The following TLL1 variants were observed in gnomAD, a reference collection of about 807,000 sequenced individuals.
TLL1 encodes tolloid-like protein 1.
TLL1 carries 49 observed loss-of-function variants against 128.2 expected under a neutral mutation model. The ratio of observed to expected loss-of-function variants is 0.38; its 90% CI spans 0.30 to 0.48. The LOEUF (loss-of-function observed/expected upper bound fraction) is 0.48, where lower values mean the gene tolerates loss of function less well. Among genes scored for constraint, TLL1 ranks in the 20% least tolerant of loss-of-function variants. The pLI, the probability that TLL1 is intolerant of heterozygous loss-of-function variation, is 0.96. For synonymous variants in TLL1, 454 were observed against 418.8 expected (o/e 1.08, Z -1.03); for missense variants, 1,123 against 1,242.0 (o/e 0.90, Z 1.44).
intron 1 of TLL1, among the ~76,000 whole-genome samples, chr4:165,975,272 C>T (rs1318896584): frequency 6.6e-6 from 1 of 152,042 alleles, no homozygotes; most frequent in Non-Finnish European, 1.5e-5. Flanking sequence ...GGCAGACCAT[C>T]AAAGCATCCT....
intron 9 of TLL1, chr4:166,030,554 G>T: frequency 1.8e-6 from 1 of 561,508 alleles, no homozygotes; most frequent in South Asian, 2.5e-5. Context: ...CTGTGCTTTT[G>T]GTGTCATAGC....
At chr4:166,057,663 T>C (rs1280696106) in intron 14 of TLL1, among the ~76,000 whole-genome samples, 3 of 152,094 alleles carry the variant, frequency 2.0e-5, no homozygotes, top group East Asian at 3.9e-4. Flanking sequence ...GGACTCACAG[T>C]TCCACATGGC....
chr4:166,067,203 G>A (rs539996053), intron 16 of TLL1, among the ~76,000 whole-genome samples: 2 of 151,568 alleles, frequency 1.3e-5, no homozygotes, highest in Non-Finnish European at 3.0e-5. Context: ...TAAAAAGAAA[G>A]TGTTCAGGAT....
intron 18 of TLL1, among the ~76,000 whole-genome samples, chr4:166,082,946 G>A (rs529165939): frequency 1.3e-5 from 2 of 152,118 alleles, no homozygotes; most frequent in South Asian, 4.2e-4. Context: ...CAAAATGCTG[G>A]GATTACAGGA....
At chr4:166,019,124 T>C (rs1235003441) in intron 8 of TLL1, among the ~76,000 whole-genome samples, 3 of 152,092 alleles carry the variant, frequency 2.0e-5, no homozygotes, top group Non-Finnish European at 4.4e-5. Context: ...TAGGCAGTCA[T>C]AAAAAATAAT....
At chr4:165,944,540 T>G (rs1734156418) in intron 1 of TLL1, among the ~76,000 whole-genome samples, 1 of 152,108 alleles carries the variant, frequency 6.6e-6, no homozygotes, top group Non-Finnish European at 1.5e-5. Flanking sequence ...TTTTAAAAAT[T>G]GGATTTCTTT....
chr4:166,052,212 A>C (rs1739774852), intron 12 of TLL1, among the ~76,000 whole-genome samples: 1 of 152,224 alleles, frequency 6.6e-6, no homozygotes, highest in Non-Finnish European at 1.5e-5. Flanking sequence ...TTCTTAAAAT[A>C]GTAATTAAAA....
In TLL1 at chr4:165,936,204, A is replaced by ATTT. The variant is rs1233905061; in HGVS notation, c.170-53176_170-53175insTTT. On this transcript the variant is annotated intron_variant, in intron 1 of 20. Coordinates refer to ENST00000061240, the MANE Select transcript of TLL1 (RefSeq NM_012464.5). ...TTCATTTTGCTTCATATATATATAT[A>ATTT]TATTTTTTTTTCTTTTTTCTTTTTT... Among the ~76,000 whole-genome samples, 92 of 132,336 alleles carry ATTT rather than the reference A, an allele frequency of 7.0e-4. No individual in the cohort carries two copies. In the East Asian group the frequency reaches 0.011, roughly 15 times the overall value. 86.8% of individuals were successfully genotyped at this position (132,336 alleles called of 152,430 possible). A position where few individuals can be genotyped will look rare whatever the true frequency, so the allele number is the denominator to read the frequency against.
At chr4:166,023,368 C>A (rs1368182611) in intron 8 of TLL1, among the ~76,000 whole-genome samples, 1 of 152,146 alleles carries the variant, frequency 6.6e-6, no homozygotes, top group East Asian at 1.9e-4. Flanking sequence ...CCACTGCACT[C>A]CAGCCTGGGT....
chr4:165,890,346 C>T (rs955968963), intron 1 of TLL1, among the ~76,000 whole-genome samples: 13 of 152,134 alleles, frequency 8.5e-5, no homozygotes, highest in African/African-American at 2.9e-4. Flanking sequence ...CTAATAGTCC[C>T]CCAAAGTCTT....
chr4:165,975,720 G>A (rs112218859), intron 1 of TLL1, among the ~76,000 whole-genome samples: 4 of 152,072 alleles, frequency 2.6e-5, no homozygotes, highest in African/African-American at 9.6e-5. Flanking sequence ...ATAGTCAATG[G>A]GAAACTATTA....
chr4:166,014,907 A>G (rs1237297862), intron 8 of TLL1, among the ~76,000 whole-genome samples: 1 of 152,048 alleles, frequency 6.6e-6, no homozygotes, highest in East Asian at 1.9e-4. Flanking sequence ...CTGACATAAA[A>G]AGAATATCCT....
chr4:166,042,844 C>T (rs1739295939), intron 11 of TLL1, among the ~76,000 whole-genome samples: 1 of 152,132 alleles, frequency 6.6e-6, no homozygotes, highest in Non-Finnish European at 1.5e-5. Flanking sequence ...ACGGACGCTG[C>T]GCACATGACA....
intron 3 of TLL1, among the ~76,000 whole-genome samples, chr4:165,993,538 C>A (rs1476488031): frequency 1.3e-5 from 2 of 152,082 alleles, no homozygotes; most frequent in Non-Finnish European, 2.9e-5. Context: ...TTTTCCCAAG[C>A]AAAAGTGCTT....
intron 1 of TLL1, among the ~76,000 whole-genome samples, chr4:165,972,355 G>T (rs558866452): frequency 6.6e-6 from 1 of 152,298 alleles, no homozygotes; most frequent in African/African-American, 2.4e-5. Context: ...CACCTTTGTG[G>T]AAGGACTTTA....
chr4:165,995,286 G>T, intron 5 of TLL1, 108 bp downstream of exon 5: 1 of 912,578 alleles, frequency 1.1e-6, no homozygotes, highest in Non-Finnish European at 1.8e-6. Context: ...TTGTATTTTG[G>T]CCATGAGAAA....
intron 19 of TLL1, among the ~76,000 whole-genome samples, chr4:166,098,635 A>G (rs986063691): frequency 6.6e-6 from 1 of 151,842 alleles, no homozygotes; most frequent in Non-Finnish European, 1.5e-5. Context: ...AATTAATGAT[A>G]TATGTAGGTT....
intron 16 of TLL1, among the ~76,000 whole-genome samples, chr4:166,073,818 T>A (rs2111135446): frequency 6.6e-6 from 1 of 152,280 alleles, no homozygotes; most frequent in Non-Finnish European, 1.5e-5. Flanking sequence ...AAAAATAGAA[T>A]AATTTCTAGG....
chr4:166,009,675 GT>G (rs964952275), intron 7 of TLL1, among the ~76,000 whole-genome samples: 5 of 151,206 alleles, frequency 3.3e-5, no homozygotes, highest in African/African-American at 1.2e-4. Flanking sequence ...TAGCCTGATT[GT>G]TTCATTCACG....
Sources: allele counts gnomAD v4.1 joint callset (sites outside exome capture counted in the v4.1 genomes callset), GRCh38; gene constraint gnomAD v4.1.1; transcripts MANE v1.5; gene names NCBI Gene and HGNC (gene_info 2026-07-23, HGNC 2026-07-21).